Variants in SMIM9 observed in about 807,000 individuals in gnomAD.
SMIM9 encodes the protein chromosome X open reading frame 68.
SMIM9 carries 8 observed loss-of-function variants against 7.2 expected under a neutral mutation model. That is an observed-to-expected ratio of 1.10 (90% CI 0.65 to 1.99). The LOEUF is 1.99. Among genes scored for constraint, SMIM9 ranks in the 30% most tolerant of loss-of-function variants. The pLI is 0.00. For missense variants in SMIM9, 76 were observed against 69.3 expected, an observed-to-expected ratio of 1.10 and a Z score of -0.34; for synonymous variants, 19 against 26.4, an observed-to-expected ratio of 0.72 and a Z score of 0.86.
At chrX:154,831,623 A>G (rs1557270592) in intron 2 of SMIM9, among the ~76,000 whole-genome samples, 1 of 110,868 alleles carries the variant, frequency 9.0e-6, no homozygotes. Flanking sequence ...TGAGTGGCCA[A>G]AGAGATCTTG....
chrX:154,831,514 G>T (rs1421528880), intron 2 of SMIM9, among the ~76,000 whole-genome samples: 1 of 109,719 alleles, frequency 9.1e-6, no homozygotes, highest in Admixed American at 9.6e-5. Flanking sequence ...CTTACAAAAC[G>T]TATCCAGAAT....
At chrX:154,832,707 C>G (rs1350977594) in intron 1 of SMIM9, 24 bp from the exon 2 acceptor site, 1 of 111,555 alleles carries the variant, frequency 9.0e-6, no homozygotes, top group Admixed American at 9.5e-5. Flanking sequence ...CAGAATTCCA[C>G]CACTCCTTAT....
intron 4 of SMIM9, among the ~76,000 whole-genome samples, chrX:154,824,313 G>T (rs782009489): frequency 1.2e-5 from 1 of 85,080 alleles, no homozygotes; most frequent in African/African-American, 4.5e-5. Context: ...CCGAGATCAC[G>T]CCACTGCACT....
rs1309936004 is a variant in SMIM9 at position 154,823,462 on chromosome X, G to C, written c.*293C>G. On this transcript the variant is annotated 3_prime_UTR_variant, in exon 5 of 5. Coordinates refer to ENST00000369529, the MANE Select transcript of SMIM9 (RefSeq NM_001162936.4). ...AAGGGAGGTACATCAAGATGTTAAT[G>C]ATGTTTATTTCTGGTTGCTAGAATT... The C allele has an allele frequency of 3.7e-5, 9 of 244,572 alleles. No homozygotes were observed. The highest frequency in any genetic ancestry group is 6.5e-5 in the Non-Finnish European group (9 of 138,457). The allele number at this position is 244,572 out of a possible 1,213,427, so 20.2% of individuals were successfully genotyped here.
At chrX:154,827,838 T>G (rs886272371) in intron 4 of SMIM9, among the ~76,000 whole-genome samples, 1 of 112,018 alleles carries the variant, frequency 8.9e-6, no homozygotes, top group South Asian at 3.7e-4. Flanking sequence ...TTTCCCTAGC[T>G]GCTGAGAGTG....
In SMIM9 at chrX:154,829,465, C is replaced by A; in HGVS notation, c.272+70G>T. 2.7e-6 allele frequency: 3 copies of A among 1,112,125 alleles called. No individual in the cohort carries two copies. The South Asian group carries it at 6.5e-5, about 24-fold the overall frequency. 91.7% of individuals were successfully genotyped at this position (1,112,125 alleles called of 1,213,427 possible). On this transcript the variant is annotated intron_variant, in intron 4 of 4. Coordinates refer to ENST00000369529, the MANE Select transcript of SMIM9 (RefSeq NM_001162936.4). ...TACAGATATGCAGGCTGGTGAGCAA[C>A]CTGTTTCTGTTCCCACCCCCCTTCA...
intron 4 of SMIM9, among the ~76,000 whole-genome samples, chrX:154,825,966 T>C (rs1449012871): frequency 2.8e-5 from 3 of 108,293 alleles, no homozygotes; most frequent in Non-Finnish European, 5.8e-5. Flanking sequence ...ATATACCTAA[T>C]GCTAAATGAC....
intron 2 of SMIM9, among the ~76,000 whole-genome samples, chrX:154,831,562 C>T (rs2072446170): frequency 9.1e-6 from 1 of 110,234 alleles, no homozygotes; most frequent in Non-Finnish European, 1.9e-5. Flanking sequence ...TACCCACCAT[C>T]ATCTCTGTCT....
intron 4 of SMIM9, among the ~76,000 whole-genome samples, chrX:154,824,319 G>A (rs1305600594): frequency 2.3e-5 from 2 of 85,302 alleles, no homozygotes; most frequent in African/African-American, 4.5e-5. Context: ...TCACGCCACT[G>A]CACTCCAGCC....
intron 4 of SMIM9, among the ~76,000 whole-genome samples, chrX:154,827,108 C>A (rs1438735803): frequency 8.9e-6 from 1 of 112,573 alleles, no homozygotes; most frequent in Non-Finnish European, 1.9e-5. Context: ...CCATCTACTT[C>A]AAAGAAGGAA....
chrX:154,824,305 G>A (rs1381094324), intron 4 of SMIM9, among the ~76,000 whole-genome samples: 3 of 89,991 alleles, frequency 3.3e-5, no homozygotes, highest in East Asian at 3.6e-4. Context: ...GCAGTGAGCC[G>A]AGATCACGCC....
rs1473890878 is a variant in SMIM9, at chrX:154,823,521, A to T, written c.*234T>A. The T allele has an allele frequency of 3.1e-5, 9 of 291,918 alleles. No homozygotes were observed. Among genetic ancestry groups the T allele is most frequent in the East Asian group, 3.0e-4 (6 of 20,001 alleles). The allele number at this position is 291,918 out of a possible 1,213,427, so 24.1% of individuals were successfully genotyped here. A position where few individuals can be genotyped will look rare whatever the true frequency, so the allele number is the denominator to read the frequency against. On this transcript the variant is annotated 3_prime_UTR_variant, in exon 5 of 5. Coordinates refer to ENST00000369529, the MANE Select transcript of SMIM9 (RefSeq NM_001162936.4). ...TTACTCTTTTCTCTGTATTTCTCAAATTTTTTTTGCAATAAATATGTATTA... is the reference window on the plus strand; with the variant it reads ...TTACTCTTTTCTCTGTATTTCTCAATTTTTTTTTGCAATAAATATGTATTA...
At chrX:154,826,336 A>G (rs1021253715) in intron 4 of SMIM9, among the ~76,000 whole-genome samples, 5 of 110,357 alleles carry the variant, frequency 4.5e-5, no homozygotes, top group Admixed American at 1.9e-4. Flanking sequence ...TGTCTTTTAC[A>G]TTTTTCTTGG....
At chrX:154,823,820 G>A (rs782070265) in intron 4 of SMIM9, 38 bp from the exon 5 acceptor site, 1 of 1,131,194 alleles carries the variant, frequency 8.8e-7, no homozygotes, top group African/African-American at 1.8e-5. Flanking sequence ...GCTCTGCACA[G>A]AGTTGCTATA....
rs2072436144 is a variant in SMIM9, at chrX:154,829,638, AGTT to A, written c.166_168del (p.Asn56del). On this transcript the variant is annotated inframe_deletion, in exon 4 of 5. Coordinates refer to ENST00000369529, the MANE Select transcript of SMIM9 (RefSeq NM_001162936.4). ...ATAAGTTGCCATAAGTAATCCCTGA[AGTT>A]GTTCAGCCAGGACCTGTGATTACCT... 8.6e-7 allele frequency: 1 copy of A among 1,167,643 alleles called. No homozygotes were observed. The highest frequency in any genetic ancestry group is 1.8e-5 in the African/African-American group (1 of 56,303).
chrX:154,829,450 C>G, intron 4 of SMIM9, 85 bp downstream of exon 4: 1 of 1,052,817 alleles, frequency 9.5e-7, no homozygotes, highest in East Asian at 3.4e-5. Context: ...TACAGATATG[C>G]AGGCTGGTGA....
At chrX:154,831,124 C>T (rs1401643992) in intron 2 of SMIM9, among the ~76,000 whole-genome samples, 169 bp from the exon 3 acceptor site, 1 of 111,667 alleles carries the variant, frequency 9.0e-6, no homozygotes, top group Non-Finnish European at 1.9e-5. Context: ...TATGCTCTAT[C>T]AGGTCAGATA....
intron 4 of SMIM9, among the ~76,000 whole-genome samples, chrX:154,825,504 C>T (rs1206519755): frequency 9.0e-6 from 1 of 110,841 alleles, no homozygotes; most frequent in South Asian, 3.8e-4. Context: ...TTGTGGAAAT[C>T]GGTGTGGCGA....
Position 154,831,309 on chromosome X carries a change from ATGAATT to A in SMIM9, c.-99-360_-99-355del, listed in dbSNP as rs1432122534. On this transcript the variant is annotated intron_variant, in intron 2 of 4. Coordinates refer to ENST00000369529, the MANE Select transcript of SMIM9 (RefSeq NM_001162936.4). ...TAAACAGCTCCTCATTTTTGTTTCT[ATGAATT>A]TGACTACTTTAGATACCAAATATAA... is the stretch of plus-strand genomic sequence containing the variant. Among the ~76,000 whole-genome samples, 4 of 112,076 alleles carry A rather than the reference ATGAATT, an allele frequency of 3.6e-5. No homozygotes were observed. In the Admixed American group the frequency reaches 3.8e-4, roughly 11 times the overall value.
Sources: allele counts gnomAD v4.1 joint callset (sites outside exome capture counted in the v4.1 genomes callset), GRCh38; gene constraint gnomAD v4.1.1; transcripts MANE v1.5; gene names NCBI Gene and HGNC (gene_info 2026-07-23, HGNC 2026-07-21).